RAB10: variants seen among roughly 807,000 people sequenced by gnomAD.
RAB10 encodes ras-related protein Rab-10.
In RAB10, 5 loss-of-function variants were observed where a neutral mutation model predicts 25.7. The ratio of observed to expected loss-of-function variants is 0.19; its 90% CI spans 0.10 to 0.41. The LOEUF is 0.41. Ranked by LOEUF, RAB10 falls within the 10% of genes least tolerant of loss-of-function variation. The pLI is 1.00. For missense variants in RAB10, 103 were observed against 245.8 expected, an observed-to-expected ratio of 0.42 and a Z score of 3.89; for synonymous variants, 89 against 86.4, an observed-to-expected ratio of 1.03 and a Z score of -0.16.
At chr2:26,109,720 G>A (rs1189172889) in intron 2 of RAB10, 48 bp from the exon 3 acceptor site, 3 of 1,477,396 alleles carry the variant, frequency 2.0e-6, no homozygotes, top group African/African-American at 1.4e-5. Context: ...TATGTGAAAT[G>A]TAGTAATATC....
chr2:26,034,298 C>T lies in RAB10; in HGVS notation c.-311C>T. 1 of 548,376 alleles carries T rather than the reference C, an allele frequency of 1.8e-6. No individual in the cohort carries two copies. Among genetic ancestry groups the T allele is most frequent in the Non-Finnish European group, 3.3e-6 (1 of 307,346 alleles). 34.0% of individuals were successfully genotyped at this position (548,376 alleles called of 1,614,324 possible). ...TCGACGGCAGAGCAGGCTTGCTCGC[C>T]CGTGGGAGCGTCCCGGCCGAGAAGC... is the stretch of plus-strand genomic sequence containing the variant. On this transcript the variant is annotated 5_prime_UTR_variant, in exon 1 of 6. Coordinates refer to ENST00000264710, the MANE Select transcript of RAB10 (RefSeq NM_016131.5).
At chr2:26,077,999 G>A (rs1321869548) in intron 1 of RAB10, among the ~76,000 whole-genome samples, 1 of 151,878 alleles carries the variant, frequency 6.6e-6, no homozygotes, top group Non-Finnish European at 1.5e-5. Context: ...AATAAAAAAG[G>A]TAAAGGTCTG....
intron 3 of RAB10, among the ~76,000 whole-genome samples, chr2:26,118,287 G>T (rs968076925): frequency 6.6e-6 from 1 of 151,346 alleles, no homozygotes; most frequent in African/African-American, 2.4e-5. Flanking sequence ...TGTTCTTTTA[G>T]CTCCAATTTT....
upstream of RAB10, among the ~76,000 whole-genome samples, chr2:26,033,501 G>A (rs1665677013): frequency 6.6e-6 from 1 of 152,260 alleles, no homozygotes; most frequent in South Asian, 2.1e-4. Context: ...GAGCGCTCAT[G>A]TTTCCCCGTC....
At chr2:26,113,308 C>T (rs2149285019) in intron 3 of RAB10, among the ~76,000 whole-genome samples, 1 of 152,026 alleles carries the variant, frequency 6.6e-6, no homozygotes, top group East Asian at 2.0e-4. Context: ...CGCAGTGGCT[C>T]ACACCCGTAA....
chr2:26,047,914 C>G (rs541985382), intron 1 of RAB10, among the ~76,000 whole-genome samples: 1 of 150,636 alleles, frequency 6.6e-6, no homozygotes, highest in African/African-American at 2.4e-5. Flanking sequence ...TTAGTGGAGA[C>G]GAGGTTTCAC....
intron 3 of RAB10, among the ~76,000 whole-genome samples, chr2:26,116,846 A>G (rs1574559639): frequency 6.8e-6 from 1 of 147,308 alleles, no homozygotes; most frequent in Non-Finnish European, 1.5e-5. Context: ...GTGAGCCACC[A>G]CGCCCGGCCT....
intron 5 of RAB10, among the ~76,000 whole-genome samples, chr2:26,128,394 G>A (rs1002416038): frequency 1.3e-5 from 2 of 152,184 alleles, no homozygotes; most frequent in African/African-American, 4.8e-5. Flanking sequence ...CAGCCCCGGG[G>A]TTGGGGACTT....
At chr2:26,059,927 T>C (rs2149266711) in intron 1 of RAB10, among the ~76,000 whole-genome samples, 1 of 152,342 alleles carries the variant, frequency 6.6e-6, no homozygotes, top group East Asian at 1.9e-4. Context: ...TATGTGGGTT[T>C]TTTTTACCAC....
intron 1 of RAB10, among the ~76,000 whole-genome samples, chr2:26,079,425 TGAA>T (rs1221177970): frequency 6.6e-6 from 1 of 151,836 alleles, no homozygotes; most frequent in Non-Finnish European, 1.5e-5. Flanking sequence ...TTCTCGTTGT[TGAA>T]GAAAGAAGTT....
chr2:26,107,197 G>A (rs930686414), intron 2 of RAB10, among the ~76,000 whole-genome samples: 5 of 137,698 alleles, frequency 3.6e-5, no homozygotes, highest in African/African-American at 1.1e-4. Flanking sequence ...AGTGAGCCAA[G>A]ATCGTGCCAC....
intron 1 of RAB10, among the ~76,000 whole-genome samples, chr2:26,049,471 C>T (rs1160574819): frequency 6.6e-6 from 1 of 150,900 alleles, no homozygotes; most frequent in Admixed American, 6.6e-5. Flanking sequence ...TGCAGTGGCA[C>T]GATCTCTGCT....
intron 1 of RAB10, among the ~76,000 whole-genome samples, chr2:26,085,377 C>T (rs1372759484): frequency 6.6e-6 from 1 of 151,150 alleles, no homozygotes; most frequent in Non-Finnish European, 1.5e-5. Flanking sequence ...GGTATTCTGG[C>T]TACTTGGGAG....
intron 2 of RAB10, among the ~76,000 whole-genome samples, chr2:26,103,944 C>A (rs1459851813): frequency 6.6e-6 from 1 of 151,920 alleles, no homozygotes; most frequent in African/African-American, 2.4e-5. Context: ...CTGAATAATA[C>A]TCCATTGTAT....
intron 1 of RAB10, among the ~76,000 whole-genome samples, chr2:26,085,803 C>G (rs1280109410): frequency 2.0e-5 from 3 of 151,806 alleles, no homozygotes; most frequent in Non-Finnish European, 4.4e-5. Context: ...TCGAGACCAG[C>G]CTGACCAACA....
At chr2:26,126,642 ATCTT>A (rs1326877817) in intron 3 of RAB10, among the ~76,000 whole-genome samples, 1 of 152,316 alleles carries the variant, frequency 6.6e-6, no homozygotes. Flanking sequence ...TTTTGGATAG[ATCTT>A]TCTATTTCTG....
At chr2:26,120,276 C>G (rs1301447872) in intron 3 of RAB10, among the ~76,000 whole-genome samples, 1 of 152,158 alleles carries the variant, frequency 6.6e-6, no homozygotes, top group African/African-American at 2.4e-5. Flanking sequence ...CAGCTGGGAG[C>G]TTTTAAAACC....
At chr2:26,080,339 A>G (rs550929885) in intron 1 of RAB10, among the ~76,000 whole-genome samples, 3 of 152,236 alleles carry the variant, frequency 2.0e-5, no homozygotes, top group Non-Finnish European at 4.4e-5. Context: ...GGCAAATACT[A>G]CACTAAAAAT....
intron 3 of RAB10, among the ~76,000 whole-genome samples, chr2:26,110,461 T>G (rs1463189759): frequency 6.6e-6 from 1 of 152,172 alleles, no homozygotes; most frequent in African/African-American, 2.4e-5. Context: ...TATAGCCATC[T>G]TACAAGATGA....
Sources: allele counts gnomAD v4.1 joint callset (sites outside exome capture counted in the v4.1 genomes callset), GRCh38; gene constraint gnomAD v4.1.1; transcripts MANE v1.5; gene names NCBI Gene and HGNC (gene_info 2026-07-23, HGNC 2026-07-21).